TEC: variants seen among roughly 807,000 people sequenced by gnomAD.
TEC encodes tyrosine-protein kinase Tec.
A neutral mutation model predicts 93.0 loss-of-function variants in TEC; 72 were observed. The ratio of observed to expected loss-of-function variants is 0.77; its 90% CI spans 0.64 to 0.94. The LOEUF (loss-of-function observed/expected upper bound fraction) is 0.94. Among genes scored for constraint, TEC ranks in the 40% least tolerant of loss-of-function variants. The pLI is 0.00. For missense variants in TEC, 630 were observed against 757.9 expected (o/e 0.83, Z 1.98); for synonymous variants, 249 against 247.7 (o/e 1.01, Z -0.05).
chr4:48,219,509 T>C (rs1405245202), intron 2 of TEC, among the ~76,000 whole-genome samples: 3 of 152,200 alleles, frequency 2.0e-5, no homozygotes, highest in African/African-American at 4.8e-5. Flanking sequence ...TGGTTCCTCT[T>C]TGAAGTTCGT....
chr4:48,237,113 T>C (rs1019383379), intron 1 of TEC, among the ~76,000 whole-genome samples: 3 of 152,148 alleles, frequency 2.0e-5, no homozygotes, highest in African/African-American at 7.2e-5. Flanking sequence ...GGCAGATCAC[T>C]TTAGGCCAGG....
intron 1 of TEC, among the ~76,000 whole-genome samples, chr4:48,232,470 GAA>G (rs1171329344): frequency 6.6e-6 from 1 of 152,270 alleles, no homozygotes; most frequent in East Asian, 1.9e-4. Flanking sequence ...GCCAAGACTA[GAA>G]AAAAGTCTCC....
chr4:48,174,195 G>T (rs1376081731), intron 3 of TEC, among the ~76,000 whole-genome samples: 2 of 152,088 alleles, frequency 1.3e-5, no homozygotes, highest in African/African-American at 4.8e-5. Flanking sequence ...AGTAGTTCAG[G>T]GATGGAATGC....
intron 2 of TEC, among the ~76,000 whole-genome samples, chr4:48,200,009 G>A (rs1366679770): frequency 6.6e-6 from 1 of 152,090 alleles, no homozygotes; most frequent in Non-Finnish European, 1.5e-5. Context: ...AAAACTAATT[G>A]TATTAATAAT....
chr4:48,149,018 C>T (rs909769733), intron 11 of TEC, among the ~76,000 whole-genome samples: 7 of 152,130 alleles, frequency 4.6e-5, no homozygotes, highest in South Asian at 2.1e-4. Context: ...TCTTCTTTTA[C>T]GGCTTCATAG....
chr4:48,254,147 T>C (rs1724280516), intron 1 of TEC, among the ~76,000 whole-genome samples: 1 of 152,182 alleles, frequency 6.6e-6, no homozygotes, highest in Non-Finnish European at 1.5e-5. Flanking sequence ...ACTGCACAAC[T>C]AACGCAAACA....
intron 2 of TEC, among the ~76,000 whole-genome samples, chr4:48,191,433 G>C (rs1722089473): frequency 6.6e-6 from 1 of 151,812 alleles, no homozygotes; most frequent in East Asian, 1.9e-4. Context: ...CATTTACATT[G>C]TTTCATTAGG....
Position 48,158,659 on chromosome 4 carries a change from A to C in TEC, c.738-1925T>G, listed in dbSNP as rs566201730. 4.6e-5 allele frequency among the ~76,000 whole-genome samples: 7 copies of C among 152,342 alleles called. No homozygotes were observed. In the South Asian group the frequency reaches 1.4e-3, roughly 32 times the overall value. ...GTCCATCTTCACAATAAGAGTAAGC[A>C]AAGGTGGTTTCATCTTGGGTTCAGA... On this transcript the variant is annotated intron_variant, in intron 8 of 17. Coordinates refer to ENST00000381501, the MANE Select transcript of TEC (RefSeq NM_003215.3).
intron 8 of TEC, among the ~76,000 whole-genome samples, chr4:48,158,984 A>G (rs1286399689): frequency 6.6e-6 from 1 of 152,110 alleles, no homozygotes; most frequent in Non-Finnish European, 1.5e-5. Context: ...GGAGTCATAC[A>G]CAAATAAATA....
At chr4:48,221,658 G>A (rs1298630440) in intron 2 of TEC, among the ~76,000 whole-genome samples, 1 of 152,080 alleles carries the variant, frequency 6.6e-6, no homozygotes, top group African/African-American at 2.4e-5. Context: ...GGTTTTCATG[G>A]AGGCTTCACT....
At position 48,238,302 on chromosome 4, in the gene TEC, A is replaced by G. The variant is rs143531709; in HGVS notation, c.-45-9643T>C. Among the ~76,000 whole-genome samples, 279 of 152,268 alleles carry G rather than the reference A, an allele frequency of 1.8e-3. 2 individuals are homozygous for G. The highest frequency in any genetic ancestry group is 6.4e-3 in the African/African-American group (264 of 41,538). ...CCTGTATTTTCTTAAAGTCTTATAT[A>G]TTTCTCCTTTCAGCCAGTTGATATG... On this transcript the variant is annotated intron_variant, in intron 1 of 17. Transcript: ENST00000381501.
intron 2 of TEC, among the ~76,000 whole-genome samples, chr4:48,196,796 G>T (rs6828978): frequency 6.6e-6 from 1 of 152,168 alleles, no homozygotes; most frequent in Non-Finnish European, 1.5e-5. Context: ...TTTTCAAACA[G>T]AAAAAGAAAT....
rs1490707890 is a variant in TEC, at chr4:48,156,713, A to G, written c.759T>C (p.Asn253=). 1 of 1,612,066 alleles carries G rather than the reference A, an allele frequency of 6.2e-7. No homozygotes were observed. The highest frequency in any genetic ancestry group is 8.5e-7 in the Non-Finnish European group (1 of 1,179,396). ...GGAGGAGTTGCTCTGCCTTGCTTCT[A>G]TTCATATTTCTGCAATACCATCTGA... ...DQYEWYCRNM[N]RSKAEQLLRS... The change falls in exon 9 of 18, where the codon AAT becomes AAC. Residue 253 remains asparagine (N), a synonymous_variant. Transcript: ENST00000381501.
At chr4:48,222,450 G>A (rs1374921196) in intron 2 of TEC, among the ~76,000 whole-genome samples, 5 of 152,118 alleles carry the variant, frequency 3.3e-5, no homozygotes, top group Non-Finnish European at 7.3e-5. Flanking sequence ...GCCTGCAGTA[G>A]AGAAAATTCA....
intron 1 of TEC, among the ~76,000 whole-genome samples, chr4:48,234,484 G>A (rs1186268651): frequency 6.6e-6 from 1 of 152,200 alleles, no homozygotes; most frequent in Non-Finnish European, 1.5e-5. Flanking sequence ...ATTGGATCAA[G>A]TAAGGAGGTT....
At chr4:48,197,048 T>G (rs1722322551) in intron 2 of TEC, among the ~76,000 whole-genome samples, 2 of 152,222 alleles carry the variant, frequency 1.3e-5, no homozygotes, top group Non-Finnish European at 2.9e-5. Flanking sequence ...AAATTCCTCT[T>G]CAAAGCACAA....
chr4:48,148,076 G>A lies in TEC; in HGVS notation c.1006+1481C>T, dbSNP rs183475621. Among the ~76,000 whole-genome samples the A allele has an allele frequency of 2.8e-3, 431 of 152,210 alleles. 4 individuals are homozygous for A. The highest frequency in any genetic ancestry group is 0.01 in the African/African-American group (416 of 41,538). On this transcript the variant is annotated intron_variant, in intron 11 of 17. Transcript: ENST00000381501. ...AGAAAGTAGGTTAATAGTTGCCTGG[G>A]GCTGGGCTGGTGAAGGGGGATGGGA...
intron 1 of TEC, among the ~76,000 whole-genome samples, chr4:48,245,209 C>T (rs1390152423): frequency 5.9e-5 from 9 of 151,558 alleles, no homozygotes; most frequent in African/African-American, 1.7e-4. Flanking sequence ...AGGAGAATCG[C>T]TTTAACCAGG....
intron 2 of TEC, among the ~76,000 whole-genome samples, chr4:48,226,677 C>T (rs914910915): frequency 6.6e-6 from 1 of 152,040 alleles, no homozygotes; most frequent in Non-Finnish European, 1.5e-5. Context: ...GTAAGACTTC[C>T]AGTCAACAGT....
Sources: allele counts gnomAD v4.1 joint callset (sites outside exome capture counted in the v4.1 genomes callset), GRCh38; gene constraint gnomAD v4.1.1; transcripts MANE v1.5; gene names NCBI Gene and HGNC (gene_info 2026-07-23, HGNC 2026-07-21).